GRM7: variants seen among roughly 807,000 people sequenced by gnomAD.
The protein encoded by GRM7 is glutamate metabotropic receptor 7.
A neutral mutation model predicts 84.5 loss-of-function variants in GRM7; 35 were observed. The ratio of observed to expected loss-of-function variants is 0.41; its 90% CI spans 0.32 to 0.55. GRM7 has a LOEUF of 0.55. Among genes scored for constraint, GRM7 ranks in the 20% least tolerant of loss-of-function variants. The pLI, the probability that GRM7 is intolerant of heterozygous loss-of-function variation, is 0.19. For synonymous variants in GRM7, 487 were observed against 455.1 expected, an observed-to-expected ratio of 1.07 and a Z score of -0.89; for missense variants, 1,003 against 1,194.6, an observed-to-expected ratio of 0.84 and a Z score of 2.36.
intron 1 of GRM7, among the ~76,000 whole-genome samples, chr3:6,865,340 G>C (rs1694904208): frequency 2.0e-5 from 3 of 152,160 alleles, no homozygotes; most frequent in Admixed American, 2.0e-4. Context: ...TCTGACCACT[G>C]TCTTATGGGC....
chr3:7,385,293 T>A (rs1694742526), intron 4 of GRM7, among the ~76,000 whole-genome samples: 1 of 13,716 alleles, frequency 7.3e-5, no homozygotes, highest in Non-Finnish European at 2.2e-4. Flanking sequence ...ATATGGATTT[T>A]TTTTTTTTTT....
At chr3:7,414,386 A>G (rs1250545410) in intron 4 of GRM7, among the ~76,000 whole-genome samples, 1 of 152,124 alleles carries the variant, frequency 6.6e-6, no homozygotes, top group Non-Finnish European at 1.5e-5. Flanking sequence ...AGTGAGATTC[A>G]TAGATTTGGG....
intron 7 of GRM7, among the ~76,000 whole-genome samples, chr3:7,532,803 CA>C (rs36040168): frequency 7.2e-4 from 51 of 70,652 alleles, no homozygotes; most frequent in African/African-American, 1.5e-3. Flanking sequence ...AAAGGGAAAG[CA>C]AAAAAAAAAA....
chr3:7,216,664 G>A (rs1166935296), intron 2 of GRM7, among the ~76,000 whole-genome samples: 2 of 152,082 alleles, frequency 1.3e-5, no homozygotes, highest in Admixed American at 1.3e-4. Flanking sequence ...CAAATAAACT[G>A]TTCTCTATTA....
intron 4 of GRM7, among the ~76,000 whole-genome samples, chr3:7,393,468 C>A (rs1695085340): frequency 1.3e-5 from 2 of 152,330 alleles, no homozygotes; most frequent in South Asian, 4.1e-4. Flanking sequence ...CCAGGGGTCT[C>A]TCCCAGGTCT....
chr3:7,109,324 T>G (rs903678136), intron 1 of GRM7, among the ~76,000 whole-genome samples: 2 of 152,288 alleles, frequency 1.3e-5, no homozygotes, highest in Admixed American at 6.5e-5. Context: ...AAGATTAGTC[T>G]TTGTTTTAAT....
intron 9 of GRM7, among the ~76,000 whole-genome samples, chr3:7,718,550 C>A (rs1439269781): frequency 6.6e-6 from 1 of 152,092 alleles, no homozygotes; most frequent in Non-Finnish European, 1.5e-5. Context: ...AAATTATTCA[C>A]TTAGATAGCA....
chr3:7,507,600 A>C (rs1446217080), intron 7 of GRM7, among the ~76,000 whole-genome samples: 1 of 152,212 alleles, frequency 6.6e-6, no homozygotes, highest in African/African-American at 2.4e-5. Flanking sequence ...TGCATAGTCC[A>C]ATTTTAGAAC....
intron 2 of GRM7, among the ~76,000 whole-genome samples, chr3:7,181,663 C>T (rs572404449): frequency 1.3e-5 from 2 of 152,134 alleles, no homozygotes; most frequent in East Asian, 1.9e-4. Context: ...GGCTGGAGTG[C>T]GGTGGTGTGA....
intron 1 of GRM7, among the ~76,000 whole-genome samples, chr3:7,031,956 C>G (rs554497430): frequency 6.6e-6 from 1 of 152,048 alleles, no homozygotes; most frequent in Admixed American, 6.6e-5. Context: ...TGTGCCCTAT[C>G]CCTTAACCTA....
chr3:7,505,863 T>A (rs1454177827), intron 7 of GRM7, among the ~76,000 whole-genome samples: 1 of 152,186 alleles, frequency 6.6e-6, no homozygotes, highest in Non-Finnish European at 1.5e-5. Context: ...TCCAAGTTTT[T>A]CTCCCAATGT....
chr3:7,613,297 G>A (rs1696930200), intron 8 of GRM7, among the ~76,000 whole-genome samples: 1 of 152,156 alleles, frequency 6.6e-6, no homozygotes, highest in Non-Finnish European at 1.5e-5. Flanking sequence ...TTCTCAAACT[G>A]CTAGATAGGA....
intron 7 of GRM7, among the ~76,000 whole-genome samples, chr3:7,504,106 G>A (rs931201077): frequency 6.6e-5 from 10 of 152,168 alleles, no homozygotes; most frequent in African/African-American, 2.2e-4. Flanking sequence ...AAAAAGTTGA[G>A]ACTCAATAAA....
chr3:7,715,156 A>G (rs759729710), intron 9 of GRM7, among the ~76,000 whole-genome samples: 1 of 152,128 alleles, frequency 6.6e-6, no homozygotes, highest in Non-Finnish European at 1.5e-5. Context: ...TACTCTATCT[A>G]TGACAAAAGG....
chr3:7,524,966 G>A (rs1700733960), intron 7 of GRM7, among the ~76,000 whole-genome samples: 1 of 148,620 alleles, frequency 6.7e-6, no homozygotes, highest in Admixed American at 6.7e-5. Flanking sequence ...TCCTTTATAG[G>A]GACATGGATG....
At chr3:7,645,535 A>C (rs1224591161) in intron 8 of GRM7, among the ~76,000 whole-genome samples, 2 of 138,068 alleles carry the variant, frequency 1.4e-5, no homozygotes, top group African/African-American at 5.6e-5. Context: ...TGACAGAGCA[A>C]GACTCCATCT....
At chr3:7,210,808 T>A (rs1007805469) in intron 2 of GRM7, among the ~76,000 whole-genome samples, 5 of 152,082 alleles carry the variant, frequency 3.3e-5, no homozygotes, top group African/African-American at 7.2e-5. Context: ...ATTGTTTTTT[T>A]TTTTTTTTGA....
intron 9 of GRM7, chr3:7,686,327 T>C: frequency 1.2e-6 from 1 of 869,164 alleles, no homozygotes. Flanking sequence ...ATTTATTTTA[T>C]ACATACCTAT....
At chr3:7,011,809 A>C (rs549584059) in intron 1 of GRM7, among the ~76,000 whole-genome samples, 3 of 152,312 alleles carry the variant, frequency 2.0e-5, no homozygotes, top group Admixed American at 2.0e-4. Context: ...GAGATTTTAA[A>C]ATGTTAAGTG....
Sources: gnomAD v4.1 joint callset for allele counts (sites outside exome capture counted in the v4.1 genomes callset) on GRCh38, gnomAD v4.1.1 for gene constraint, MANE v1.5 for transcripts, NCBI Gene and HGNC (gene_info 2026-07-23, HGNC 2026-07-21) for gene names.